Variants in GLIS3 observed in about 807,000 individuals in gnomAD.
GLIS3 encodes GLIS family zinc finger 3.
A neutral mutation model predicts 78.6 loss-of-function variants in GLIS3; 53 were observed. The ratio of observed to expected loss-of-function variants is 0.67; its 90% CI spans 0.54 to 0.85. The LOEUF is 0.85. Among genes scored for constraint, GLIS3 ranks in the 40% least tolerant of loss-of-function variants. The pLI is 0.00. For synonymous variants in GLIS3, 684 were observed against 509.9 expected, an observed-to-expected ratio of 1.34 and a Z score of -4.60; for missense variants, 1,703 against 1,231.1, an observed-to-expected ratio of 1.38 and a Z score of -5.74.
rs1346653116 is a variant in GLIS3, at chr9:4,330,627, A to G, written n.264+16454T>C. Among the ~76,000 whole-genome samples, 3 of 150,588 alleles carry G rather than the reference A, an allele frequency of 2.0e-5. No homozygotes were observed. The East Asian group carries it at 5.8e-4, about 29-fold the overall frequency. ...GAGGAGAGGTGGAGGTGAAGGTTGG[A>G]TGGAGATGAGGAGAGGTGGAGGTGA... is the stretch of plus-strand genomic sequence containing the variant. On this transcript the variant is annotated intron_variant and non_coding_transcript_variant, in intron 2 of 4. Transcript: ENST00000471664.
At chr9:4,418,067 A>G in the GLIS3 span, among the ~76,000 whole-genome samples, 1 of 152,196 alleles carries the variant, frequency 6.6e-6, no homozygotes, top group East Asian at 1.9e-4. Context: ...TTCCACACAT[A>G]TCCATCTTAG....
chr9:4,460,539 G>T, the GLIS3 span, among the ~76,000 whole-genome samples: 1 of 152,108 alleles, frequency 6.6e-6, no homozygotes. Flanking sequence ...GGCTAGTGCA[G>T]GAAAAACACA....
intron 4 of GLIS3, among the ~76,000 whole-genome samples, chr9:4,028,688 A>G (rs933972043): frequency 1.3e-5 from 2 of 151,604 alleles, no homozygotes; most frequent in African/African-American, 4.9e-5. Context: ...AACACTATAG[A>G]TCACTTTTTC....
At chr9:4,373,091 G>GAAAA in the GLIS3 span, among the ~76,000 whole-genome samples, 3 of 152,156 alleles carry the variant, frequency 2.0e-5, no homozygotes, top group East Asian at 5.8e-4. Flanking sequence ...CAGAAAAGTG[G>GAAAA]CTTCCCTGTT....
rs145773984 is a variant in GLIS3 at position 4,337,482 on chromosome 9, G to T, written n.264+9599C>A. ...CATACTTTTGATTTAAACGAATGAA[G>T]GCAATATTTTGCAATGATTCTGAAC... On this transcript the variant is annotated intron_variant and non_coding_transcript_variant, in intron 2 of 4. Transcript: ENST00000471664. Among the ~76,000 whole-genome samples the T allele has an allele frequency of 5.5e-3, 840 of 152,238 alleles. 4 individuals carry two copies. Among genetic ancestry groups the T allele is most frequent in the African/African-American group, 0.019 (783 of 41,532 alleles).
intron 4 of GLIS3, among the ~76,000 whole-genome samples, chr9:3,973,815 A>T (rs114310146): frequency 3.9e-5 from 6 of 152,284 alleles, no homozygotes; most frequent in African/African-American, 1.4e-4. Flanking sequence ...ACACCATTTC[A>T]AACCACATAA....
At chr9:4,372,979 T>C in the GLIS3 span, among the ~76,000 whole-genome samples, 6 of 152,202 alleles carry the variant, frequency 3.9e-5, no homozygotes, top group Non-Finnish European at 8.8e-5. Context: ...TGATTGGTAC[T>C]AGTAGGTACT....
At chr9:4,023,483 T>C (rs924668248) in intron 4 of GLIS3, among the ~76,000 whole-genome samples, 3 of 152,178 alleles carry the variant, frequency 2.0e-5, no homozygotes, top group Non-Finnish European at 2.9e-5. Context: ...CATATAAAGA[T>C]TGCCAAAAAC....
chr9:4,281,776 T>C (rs1350393662), intron 2 of GLIS3, among the ~76,000 whole-genome samples: 1 of 152,218 alleles, frequency 6.6e-6, no homozygotes, highest in Non-Finnish European at 1.5e-5. Flanking sequence ...CTCAAAGATA[T>C]GATGTCACCA....
intron 2 of GLIS3, among the ~76,000 whole-genome samples, chr9:4,237,233 G>A (rs1409230310): frequency 1.3e-5 from 2 of 151,764 alleles, no homozygotes; most frequent in Non-Finnish European, 1.5e-5. Flanking sequence ...AACCTAAAAC[G>A]CCTTTGAAAT....
chr9:4,448,869 G>A, the GLIS3 span, among the ~76,000 whole-genome samples: 87 of 152,328 alleles, frequency 5.7e-4, no homozygotes, highest in East Asian at 0.014. Context: ...TGGCCAAATA[G>A]GAATAGCTCC....
At chr9:4,265,868 G>C (rs1361048522) in intron 2 of GLIS3, among the ~76,000 whole-genome samples, 1 of 151,692 alleles carries the variant, frequency 6.6e-6, no homozygotes, top group Non-Finnish European at 1.5e-5. Flanking sequence ...ACCAAAAGCA[G>C]AATGTTTTAG....
rs1372471620 is a variant in GLIS3, at chr9:4,118,293, C to G, written c.1185G>C (p.Met395Ile). ...GEDGALEHER[M>I]QQLEHGGLQP... is the part of the protein sequence containing the mutation. ...GCAGGCCGCCGTGCTCCAGCTGTTG[C>G]ATGCGCTCGTGCTCCAGGGCCCCGT... Residue 395 changes from methionine (M) to isoleucine (I), a missense_variant, in exon 4 of 11, where the codon ATG becomes ATC. Met to Ile is a conservative substitution (Grantham distance 10). Transcript: ENST00000381971. The surrounding 1 kb of genome is among the most constrained non-coding windows in gnomAD (Gnocchi z 4.7). 3.2e-6 allele frequency: 5 copies of G among 1,581,710 alleles called. No homozygotes were observed. Among genetic ancestry groups the G allele is most frequent in the Non-Finnish European group, 3.4e-6 (4 of 1,165,448 alleles).
the GLIS3 span, among the ~76,000 whole-genome samples, chr9:4,353,423 A>T: frequency 1.3e-5 from 2 of 152,136 alleles, no homozygotes; most frequent in African/African-American, 4.8e-5. Flanking sequence ...CAGCAAAACT[A>T]CTCAAGTCCA....
the GLIS3 span, among the ~76,000 whole-genome samples, chr9:4,462,638 C>T: frequency 4.3e-5 from 6 of 140,732 alleles, no homozygotes; most frequent in Non-Finnish European, 7.7e-5. Context: ...CACACAGACA[C>T]GCACACACAC....
chr9:4,292,317 TACTTC>T (rs1331426536), intron 1 of GLIS3, among the ~76,000 whole-genome samples: 1 of 152,228 alleles, frequency 6.6e-6, no homozygotes, highest in African/African-American at 2.4e-5. Flanking sequence ...CTATTGGTTT[TACTTC>T]ACTTATTTGT....
chr9:4,298,295 CGCTTCT>C (rs1461586353), intron 1 of GLIS3: 1 of 450,320 alleles, frequency 2.2e-6, no homozygotes, highest in East Asian at 7.3e-5. Context: ...GGTTTCCTTT[CGCTTCT>C]CGCCTCCCAA....
Position 4,118,854 on chromosome 9 carries a change from C to T in GLIS3, c.624G>A (p.Ala208=), listed in dbSNP as rs770666979. Residue 208 remains alanine, a synonymous_variant, in exon 4 of 11, where the codon GCG becomes GCA. Transcript: ENST00000381971. This position sits in a 1 kb window ranked among gnomAD's most constrained non-coding sequence, Gnocchi z 4.7. ...TTTCCGTCAGACTCAAGGTCGTGGA[C>T]GCCAAAGACTCACGCGAAATAAGGG... is the stretch of plus-strand genomic sequence containing the variant. ...TRSLISRESL[A]STTLSLTESQ... 3 of 1,602,396 alleles carry T rather than the reference C, an allele frequency of 1.9e-6. No individual in the cohort carries two copies. Among genetic ancestry groups the T allele is most frequent in the South Asian group, 2.2e-5 (2 of 91,058 alleles).
At position 4,278,897 on chromosome 9, in the gene GLIS3, C is replaced by G. The variant is rs80322962; in HGVS notation, c.388+7141G>C. Among the ~76,000 whole-genome samples, 27 of 152,340 alleles carry G rather than the reference C, an allele frequency of 1.8e-4. No homozygotes were observed. The East Asian group carries it at 4.6e-3, about 26-fold the overall frequency. On this transcript the variant is annotated intron_variant, in intron 2 of 10. Coordinates refer to ENST00000381971, the MANE Select transcript of GLIS3 (RefSeq NM_001042413.2). ...TGGGTATAATGCAATGTGTGGTACA[C>G]AAATCACCTTCATAGTGTTCTTGTC...
Sources: gnomAD v4.1 joint callset for allele counts (sites outside exome capture counted in the v4.1 genomes callset) on GRCh38, gnomAD v4.1.1 for gene constraint, Gnocchi (gnomAD v3.1) non-coding constraint, MANE v1.5 for transcripts, NCBI Gene and HGNC (gene_info 2026-07-23, HGNC 2026-07-21) for gene names.